The following NRG1 variants were observed in gnomAD, a reference collection of about 807,000 sequenced individuals.
NRG1 encodes the protein pro-neuregulin-1, membrane-bound isoform.
In NRG1, 18 loss-of-function variants were observed where a neutral mutation model predicts 63.8. The ratio of observed to expected loss-of-function variants is 0.28; its 90% CI spans 0.19 to 0.42. NRG1 has a LOEUF of 0.42. NRG1 is among the 10% of genes least tolerant of loss of function. NRG1 has a pLI of 1.00. For synonymous variants in NRG1, 302 were observed against 301.3 expected (o/e 1.00, Z -0.02); for missense variants, 762 against 814.7 (o/e 0.94, Z 0.79).
At chr8:32,073,475 C>G (rs1394325674) in intron 1 of NRG1, among the ~76,000 whole-genome samples, 1 of 152,078 alleles carries the variant, frequency 6.6e-6, no homozygotes, top group Non-Finnish European at 1.5e-5. Context: ...TCCAGCTCTT[C>G]TTGGTGGCAT....
chr8:32,407,319 T>TATATATA (rs71208179), intron 1 of NRG1, among the ~76,000 whole-genome samples: 7 of 3,652 alleles, frequency 1.9e-3, no homozygotes, highest in African/African-American at 3.4e-3. Context: ...TATATATATA[T>TATATATA]TATATATATA....
chr8:32,012,662 T>G (rs1163167351), intron 1 of NRG1, among the ~76,000 whole-genome samples: 2 of 152,086 alleles, frequency 1.3e-5, no homozygotes, highest in African/African-American at 4.8e-5. Context: ...GTAGCTTCCT[T>G]CTAAGGCTCA....
intron 1 of NRG1, among the ~76,000 whole-genome samples, chr8:32,163,653 G>T (rs956292940): frequency 2.0e-5 from 3 of 152,070 alleles, no homozygotes; most frequent in Admixed American, 6.5e-5. Flanking sequence ...CTAAGAATGG[G>T]GTCATAGTCT....
Position 31,903,315 on chromosome 8 carries a change from T to A in NRG1, c.37+263884T>A, listed in dbSNP as rs886360355. ...AGGCGTCCACTACCATGCCTGGCTA[T>A]TTTTTTTGTATTTTTAGTAGAGACG... On this transcript the variant is annotated intron_variant, in intron 1 of 10. Transcript: ENST00000519301. 3.3e-5 allele frequency among the ~76,000 whole-genome samples: 5 copies of A among 151,448 alleles called. No individual in the cohort carries two copies. In the East Asian group the frequency reaches 9.9e-4, roughly 30 times the overall value.
intron 1 of NRG1, among the ~76,000 whole-genome samples, chr8:32,469,431 C>T (rs1254053409): frequency 6.6e-6 from 1 of 152,102 alleles, no homozygotes; most frequent in Non-Finnish European, 1.5e-5. Context: ...AAAGTGAAAG[C>T]TTGTGCTGTT....
intron 1 of NRG1, among the ~76,000 whole-genome samples, chr8:32,250,797 C>G (rs975988798): frequency 6.6e-6 from 1 of 151,786 alleles, no homozygotes; most frequent in Admixed American, 6.6e-5. Flanking sequence ...TCAGCAGTTT[C>G]CAATGCCATG....
At chr8:31,725,484 A>C (rs529462788) in intron 1 of NRG1, among the ~76,000 whole-genome samples, 1 of 152,240 alleles carries the variant, frequency 6.6e-6, no homozygotes, top group South Asian at 2.1e-4. Flanking sequence ...ATTTCTGTGC[A>C]AAAACAAATG....
At chr8:32,001,794 G>C (rs1403817302) in intron 1 of NRG1, among the ~76,000 whole-genome samples, 1 of 152,028 alleles carries the variant, frequency 6.6e-6, no homozygotes, top group African/African-American at 2.4e-5. Flanking sequence ...CAGAGGTAAA[G>C]TGCTATGCAT....
intron 1 of NRG1, among the ~76,000 whole-genome samples, chr8:31,887,415 T>C (rs1459038243): frequency 6.6e-6 from 1 of 152,128 alleles, no homozygotes; most frequent in Non-Finnish European, 1.5e-5. Flanking sequence ...GAGCTTTATT[T>C]CCCAGCTCTC....
At chr8:32,184,431 G>A (rs1347207123) in intron 1 of NRG1, among the ~76,000 whole-genome samples, 1 of 152,018 alleles carries the variant, frequency 6.6e-6, no homozygotes, top group African/African-American at 2.4e-5. Context: ...CATATACCCC[G>A]AATACATTCT....
intron 1 of NRG1, among the ~76,000 whole-genome samples, chr8:31,900,586 T>C (rs1292776750): frequency 6.6e-6 from 1 of 152,184 alleles, no homozygotes; most frequent in African/African-American, 2.4e-5. Context: ...CATGATCAAA[T>C]AAATTGGACA....
chr8:32,503,115 C>A (rs1324142896), intron 1 of NRG1, among the ~76,000 whole-genome samples: 1 of 130,446 alleles, frequency 7.7e-6, no homozygotes, highest in African/African-American at 2.9e-5. Context: ...GAAACCCCAT[C>A]TCTACTAAAA....
Position 31,977,192 on chromosome 8 carries a change from A to G in NRG1, c.37+337761A>G, listed in dbSNP as rs574057175. ...ACCAAATAATTTATATTTTAATTCTATATAAATCAACATATACTTCTTTAC... is the reference window on the plus strand; with the variant it reads ...ACCAAATAATTTATATTTTAATTCTGTATAAATCAACATATACTTCTTTAC... On this transcript the variant is annotated intron_variant, in intron 1 of 10. Transcript: ENST00000519301. Among the ~76,000 whole-genome samples, 5 of 152,330 alleles carry G rather than the reference A, an allele frequency of 3.3e-5. No homozygotes were observed. In the South Asian group the frequency reaches 1.0e-3, roughly 32 times the overall value.
At chr8:32,676,206 C>A (rs1292984136) in intron 5 of NRG1, among the ~76,000 whole-genome samples, 2 of 152,130 alleles carry the variant, frequency 1.3e-5, no homozygotes, top group African/African-American at 2.4e-5. Context: ...GTCAGTGACT[C>A]CCGCTTTTTC....
At chr8:32,726,461 A>G (rs1822218653) in intron 5 of NRG1, among the ~76,000 whole-genome samples, 1 of 152,096 alleles carries the variant, frequency 6.6e-6, no homozygotes, top group Non-Finnish European at 1.5e-5. Flanking sequence ...CCAGTAGGAG[A>G]CAAGACTTGA....
intron 1 of NRG1, among the ~76,000 whole-genome samples, chr8:32,586,032 A>G (rs1014791703): frequency 6.6e-6 from 1 of 152,090 alleles, no homozygotes; most frequent in African/African-American, 2.4e-5. Context: ...AGTAATACAT[A>G]TCTCCTGGAG....
chr8:32,331,731 G>T (rs192829702), intron 1 of NRG1, among the ~76,000 whole-genome samples: 1 of 152,138 alleles, frequency 6.6e-6, no homozygotes, highest in African/African-American at 2.4e-5. Flanking sequence ...GGGGTGGTTA[G>T]GACAGTGGCG....
At chr8:32,487,251 G>A (rs1221978889) in intron 1 of NRG1, among the ~76,000 whole-genome samples, 1 of 151,900 alleles carries the variant, frequency 6.6e-6, no homozygotes, top group Non-Finnish European at 1.5e-5. Flanking sequence ...GTAAAAACGA[G>A]TTCTGACTAA....
chr8:31,778,604 G>T (rs1163357652), intron 1 of NRG1, among the ~76,000 whole-genome samples: 9 of 152,144 alleles, frequency 5.9e-5, no homozygotes, highest in African/African-American at 2.2e-4. Context: ...ATGCACTGTT[G>T]CCTGGCTTGT....
Sources: gnomAD v4.1 joint callset for allele counts (sites outside exome capture counted in the v4.1 genomes callset) on GRCh38, gnomAD v4.1.1 for gene constraint, MANE v1.5 for transcripts, NCBI Gene and HGNC (gene_info 2026-07-23, HGNC 2026-07-21) for gene names.